NMRAL1: variants seen among roughly 807,000 people sequenced by gnomAD.
NMRAL1 encodes the protein NmrA like redox sensor 1, also known as nmrA-like family domain-containing protein 1.
In NMRAL1, 32 loss-of-function variants were observed where a neutral mutation model predicts 27.5. The ratio of observed to expected loss-of-function variants is 1.16; its 90% CI spans 0.88 to 1.56. The LOEUF (loss-of-function observed/expected upper bound fraction) is 1.56, where lower values mean the gene tolerates loss of function less well. Among genes scored for constraint, NMRAL1 ranks in the 40% most tolerant of loss-of-function variants. The pLI is 0.00. For missense variants in NMRAL1, 420 were observed against 392.0 expected, an observed-to-expected ratio of 1.07 and a Z score of -0.60; for synonymous variants, 166 against 166.8, an observed-to-expected ratio of 1.00 and a Z score of 0.04.
chr16:4,466,141 A>G lies in NMRAL1; in HGVS notation c.529+12T>C, dbSNP rs755658795. ...GAGCTCTGCCTCACCGTGTGCGAGA[A>G]AGGGCACTTACTCAGCAAGTAGCTC... On this transcript the variant is annotated intron_variant, in intron 4 of 5. Coordinates refer to ENST00000283429, the MANE Select transcript of NMRAL1 (RefSeq NM_020677.6). The G allele has an allele frequency of 4.3e-6, 7 of 1,613,698 alleles. No individual in the cohort carries two copies. Among genetic ancestry groups the G allele is most frequent in the Non-Finnish European group, 5.9e-6 (7 of 1,179,782 alleles).
chr16:4,465,564 T>C (rs1018996127), intron 4 of NMRAL1, among the ~76,000 whole-genome samples: 4 of 152,208 alleles, frequency 2.6e-5, no homozygotes, highest in Non-Finnish European at 5.9e-5. Flanking sequence ...TGTTTTGTTT[T>C]GTTTTGTTTT....
At chr16:4,473,873 C>T (rs1187485961) in intron 2 of NMRAL1, among the ~76,000 whole-genome samples, 1 of 152,074 alleles carries the variant, frequency 6.6e-6, no homozygotes, top group Non-Finnish European at 1.5e-5. Flanking sequence ...TTGCAATGAG[C>T]CGAGATCGTG....
chr16:4,471,344 C>A (rs1419182561), intron 2 of NMRAL1: 1 of 151,978 alleles, frequency 6.6e-6, no homozygotes, highest in Non-Finnish European at 1.5e-5. Flanking sequence ...CAGCTGGGCC[C>A]AGGGGCTCAT....
At chr16:4,465,055 G>A (rs2057266367) in intron 4 of NMRAL1, among the ~76,000 whole-genome samples, 1 of 151,988 alleles carries the variant, frequency 6.6e-6, no homozygotes, top group South Asian at 2.1e-4. Flanking sequence ...TTACAGGCGT[G>A]CACCACCACG....
At chr16:4,473,819 G>T (rs777282190) in intron 2 of NMRAL1, among the ~76,000 whole-genome samples, 8 of 151,950 alleles carry the variant, frequency 5.3e-5, no homozygotes, top group Admixed American at 5.2e-4. Flanking sequence ...CCAGCTACTC[G>T]GGAGGCTGAG....
chr16:4,470,755 G>A (rs916737517), intron 2 of NMRAL1, among the ~76,000 whole-genome samples: 2 of 151,916 alleles, frequency 1.3e-5, no homozygotes, highest in Admixed American at 6.6e-5. Flanking sequence ...AGACCATCCT[G>A]GCTAACACGG....
At position 4,469,409 on chromosome 16, in the gene NMRAL1, G is replaced by A. The variant is rs768192553; in HGVS notation, c.97C>T (p.Arg33Ter). Residue 33 changes from arginine to a stop codon, truncating the protein, a stop_gained, in exon 3 of 6, where the codon CGA becomes TGA. Transcript: ENST00000283429. LOFTEE classifies it high-confidence loss of function. ...TLLEDGTFKV[R>*]VVTRNPRKKA... ...TTCCTAGGGTTTCGGGTCACCACTC[G>A]AACCTTGAATGTCCCATCTTCCAGG... 18 of 1,613,946 alleles carry A rather than the reference G, an allele frequency of 1.1e-5. No individual in the cohort carries two copies. The highest frequency in any genetic ancestry group is 1.3e-5 in the African/African-American group (1 of 74,900).
chr16:4,474,907 C>T (rs2057771946), upstream of NMRAL1: 1 of 152,104 alleles, frequency 6.6e-6, no homozygotes. Flanking sequence ...CCCTTGAGGC[C>T]TTGTCCGCTT....
chr16:4,475,464 T>G (rs1596420510), upstream of NMRAL1, among the ~76,000 whole-genome samples: 1 of 151,270 alleles, frequency 6.6e-6, no homozygotes, highest in South Asian at 2.1e-4. Context: ...GGAGCCACCA[T>G]GCCCGGCTAA....
At chr16:4,466,606 C>T in intron 3 of NMRAL1, 1 of 589,198 alleles carries the variant, frequency 1.7e-6, no homozygotes, top group Non-Finnish European at 3.0e-6. Context: ...AGCCTTCTAC[C>T]AGCCACTGAC....
At chr16:4,474,279 G>T in intron 1 of NMRAL1, 113 bp from the exon 2 acceptor site, 1 of 726,138 alleles carries the variant, frequency 1.4e-6, no homozygotes, top group Non-Finnish European at 2.3e-6. Flanking sequence ...GGGCGGCTGG[G>T]CCCGGAGCGG....
At chr16:4,464,885 G>C (rs570605221) in intron 4 of NMRAL1, among the ~76,000 whole-genome samples, 11 of 151,242 alleles carry the variant, frequency 7.3e-5, no homozygotes, top group African/African-American at 2.4e-4. Context: ...CAAAGTGCTG[G>C]GATTACAGGC....
intron 2 of NMRAL1, among the ~76,000 whole-genome samples, chr16:4,472,178 T>C (rs2057590831): frequency 1.3e-5 from 2 of 152,066 alleles, no homozygotes; most frequent in South Asian, 4.1e-4. Context: ...AAACAGAATA[T>C]AGTCTATCCA....
intron 2 of NMRAL1, among the ~76,000 whole-genome samples, chr16:4,473,146 T>C (rs2057655038): frequency 6.6e-6 from 1 of 151,978 alleles, no homozygotes; most frequent in African/African-American, 2.4e-5. Flanking sequence ...TTTTGTATTT[T>C]TTTGTAGAGA....
At chr16:4,471,373 T>A (rs1282455541) in intron 2 of NMRAL1, 1 of 152,030 alleles carries the variant, frequency 6.6e-6, no homozygotes, top group Non-Finnish European at 1.5e-5. Context: ...TCCAGACACT[T>A]TGGGAGGCTG....
intron 2 of NMRAL1, among the ~76,000 whole-genome samples, chr16:4,470,161 C>CA (rs34104543): frequency 0.045 from 2,213 of 49,672 alleles, 24 homozygotes; most frequent in East Asian, 0.15. Context: ...GATTCCCTCT[C>CA]AAAAAAAAAA....
intron 3 of NMRAL1, chr16:4,466,737 C>T (rs2057345568): frequency 3.3e-6 from 1 of 305,724 alleles, no homozygotes; most frequent in Non-Finnish European, 6.3e-6. Flanking sequence ...ACACCCTGCC[C>T]ATGGAGCTCA....
At chr16:4,462,437 C>G (rs1271284597) in intron 5 of NMRAL1, among the ~76,000 whole-genome samples, 1 of 152,130 alleles carries the variant, frequency 6.6e-6, no homozygotes, top group African/African-American at 2.4e-5. Context: ...GAGATCACCC[C>G]ACTGTACTCC....
At chr16:4,474,059 C>A (rs3761680) in intron 2 of NMRAL1, 34 bp downstream of exon 2, 1,037,880 of 1,581,422 alleles carry the variant, frequency 0.66, 350,430 homozygotes, top group Non-Finnish European at 0.7. Flanking sequence ...GGCGCCCTGG[C>A]TCTGCAAGGG....
Sources: allele counts gnomAD v4.1 joint callset (sites outside exome capture counted in the v4.1 genomes callset), GRCh38; gene constraint gnomAD v4.1.1; transcripts MANE v1.5; gene names NCBI Gene and HGNC (gene_info 2026-07-23, HGNC 2026-07-21).